Variants in TSC1 observed in about 807,000 individuals in gnomAD.
TSC1 encodes TSC complex subunit 1, also known as hamartin.
Under a neutral mutation model 124.3 loss-of-function variants are expected in TSC1, and 20 were observed. The observed-to-expected ratio is 0.16, with a 90% CI of 0.11 to 0.23. TSC1 has a LOEUF of 0.23. Among genes scored for constraint, TSC1 ranks in the 10% least tolerant of loss-of-function variants. TSC1 has a pLI of 1.00. For synonymous variants in TSC1, 493 were observed against 539.1 expected, an observed-to-expected ratio of 0.91 and a Z score of 1.19; for missense variants, 1,124 against 1,448.5, an observed-to-expected ratio of 0.78 and a Z score of 3.64.
Position 132,924,000 on chromosome 9 carries a change from A to G in TSC1, c.364-508T>C, listed in dbSNP as rs1011909699. 2.6e-5 allele frequency among the ~76,000 whole-genome samples: 4 copies of G among 152,168 alleles called. No homozygotes were observed. The highest frequency in any genetic ancestry group is 9.6e-5 in the African/African-American group (4 of 41,460). On this transcript the variant is annotated intron_variant, in intron 5 of 22. Coordinates refer to ENST00000298552, the MANE Select transcript of TSC1 (RefSeq NM_000368.5). The surrounding 1 kb of genome is among the most constrained non-coding windows in gnomAD (Gnocchi z 4.2). ...GTATAATTGAAGGAGAAATTCATAT[A>G]GCACTAACAAGTCAACTTAAAGGCT... is the stretch of plus-strand genomic sequence containing the variant.
At chr9:132,899,366 A>G (rs1364724996) in intron 20 of TSC1, 2 of 152,302 alleles carry the variant, frequency 1.3e-5, no homozygotes, top group Non-Finnish European at 2.9e-5. Context: ...CAAGGTCTGC[A>G]GGATAAGCAA....
chr9:132,893,835 C>T lies in TSC1; in HGVS notation c.*2400G>A, dbSNP rs1844892527. On this transcript the variant is annotated 3_prime_UTR_variant, in exon 23 of 23. Coordinates refer to ENST00000298552, the MANE Select transcript of TSC1 (RefSeq NM_000368.5). The stretch of plus-strand genomic sequence containing the variant: ...TGCCTCTCGAGAGTAATACTGTCAC[C>T]TTTCCATCCTTAGAACTACCCACTG... 1 of 233,192 alleles carries T rather than the reference C, an allele frequency of 4.3e-6. No individual in the cohort carries two copies. Among genetic ancestry groups the T allele is most frequent in the African/African-American group, 2.2e-5 (1 of 45,346 alleles). The allele number at this position is 233,192 out of a possible 1,614,324, so 14.4% of individuals were successfully genotyped here.
intron 1 of TSC1, among the ~76,000 whole-genome samples, chr9:132,936,188 C>T (rs1000832571): frequency 6.6e-6 from 1 of 152,170 alleles, no homozygotes; most frequent in Non-Finnish European, 1.5e-5. Context: ...CATCATAGCT[C>T]ACTGCAACCT....
chr9:132,921,080 T>C lies in TSC1; in HGVS notation c.737+283A>G, dbSNP rs117521590. On this transcript the variant is annotated intron_variant, in intron 8 of 22. Coordinates refer to ENST00000298552, the MANE Select transcript of TSC1 (RefSeq NM_000368.5). The surrounding 1 kb of genome is among the most constrained non-coding windows in gnomAD (Gnocchi z 4.3). ...CTTGTTTTTAGCCATATGCTTCACC[T>C]CCTGCATCGCCCCATCACTGGCACT... Among the ~76,000 whole-genome samples the C allele has an allele frequency of 0.015, 2,282 of 152,190 alleles. 21 individuals are homozygous for C. The highest frequency in any genetic ancestry group is 0.024 in the Non-Finnish European group (1,623 of 67,998).
intron 1 of TSC1, among the ~76,000 whole-genome samples, chr9:132,942,769 A>T (rs1847807263): frequency 6.6e-6 from 1 of 152,228 alleles, no homozygotes; most frequent in African/African-American, 2.4e-5. Context: ...TGGATAAGAT[A>T]TTAACTTTAG....
Position 132,893,054 on chromosome 9 carries a change from CCTT to C in TSC1, c.*3178_*3180del, listed in dbSNP as rs1338668559. 1 of 233,316 alleles carries C rather than the reference CCTT, an allele frequency of 4.3e-6. No homozygotes were observed. Among genetic ancestry groups the C allele is most frequent in the Non-Finnish European group, 8.5e-6 (1 of 118,076 alleles). The allele number at this position is 233,316 out of a possible 1,614,324, so 14.5% of individuals were successfully genotyped here. On this transcript the variant is annotated 3_prime_UTR_variant, in exon 23 of 23. Transcript: ENST00000298552. ...AATTGTCCTGGGTCGTAACAGTTCA[CCTT>C]CTCAGAACAGTTTGGACTGTTTCCC...
rs770870546 is a variant in TSC1 at position 132,923,547 on chromosome 9, G to A, written c.364-55C>T. On this transcript the variant is annotated intron_variant, in intron 5 of 22. Coordinates refer to ENST00000298552, the MANE Select transcript of TSC1 (RefSeq NM_000368.5). This position sits in a 1 kb window ranked among gnomAD's most constrained non-coding sequence, Gnocchi z 4.2. The stretch of plus-strand genomic sequence containing the variant: ...TCTGTCAGGCACTGGCACCAGGATC[G>A]GCATTGTACAGTACATGAAGAGGCT... 25 of 1,612,234 alleles carry A rather than the reference G, an allele frequency of 1.6e-5. No homozygotes were observed. The East Asian group carries it at 2.0e-4, about 13-fold the overall frequency.
At chr9:132,910,202 G>T (rs994749923) in intron 12 of TSC1, 9 of 470,778 alleles carry the variant, frequency 1.9e-5, no homozygotes, top group Admixed American at 1.5e-4. Context: ...TAGCGAGGCT[G>T]ATGCAGGAGG....
intron 4 of TSC1, chr9:132,926,966 C>G (rs979266127): frequency 4.1e-6 from 2 of 487,952 alleles, no homozygotes; most frequent in African/African-American, 3.9e-5. Context: ...GCCACCACAC[C>G]CGGCCCAAAC....
At position 132,921,862 on chromosome 9, in the gene TSC1, T is replaced by A; in HGVS notation, c.620A>T (p.Tyr207Phe). Residue 207 changes from tyrosine to phenylalanine, a missense_variant, in exon 7 of 23, where the codon TAC becomes TTC. Tyr to Phe is a conservative substitution (Grantham distance 22, BLOSUM62 3). Around this residue, in one of 5 missense-constraint regions of TSC1, gnomAD observed 463 missense variants for 606.8 expected, o/e 0.76. Transcript: ENST00000298552. The surrounding 1 kb of genome is among the most constrained non-coding windows in gnomAD (Gnocchi z 4.3). ...AGTCTCCAGGTTTTCTTTCATACTG[T>A]AATGAGAACGCAAAAAGGAGACGAA... Reference protein sequence around the residue: ...CNFVSFLRSHYSMKENLETFE... With the variant: ...CNFVSFLRSHFSMKENLETFE... 1 of 1,614,180 alleles carries A rather than the reference T, an allele frequency of 6.2e-7. No individual in the cohort carries two copies. Among genetic ancestry groups the A allele is most frequent in the South Asian group, 1.1e-5 (1 of 91,076 alleles).
intron 2 of TSC1, among the ~76,000 whole-genome samples, chr9:132,932,013 C>G (rs920118943): frequency 2.0e-5 from 3 of 152,322 alleles, no homozygotes; most frequent in African/African-American, 7.2e-5. Context: ...CCACAAAAGT[C>G]TCTAGCCATA....
rs1845099115 is a variant in TSC1 at position 132,896,849 on chromosome 9, CTG to C, written c.2976-97_2976-96del. On this transcript the variant is annotated intron_variant, in intron 22 of 22. Transcript: ENST00000298552. The surrounding 1 kb of genome is among the most constrained non-coding windows in gnomAD (Gnocchi z 4.5). ...ACACTGACACTCACTCACACTGACA[CTG>C]AACTCCGCTAGCCCACTCTCTGTTT... 1 of 1,568,114 alleles carries C rather than the reference CTG, an allele frequency of 6.4e-7. No individual in the cohort carries two copies. Among genetic ancestry groups the C allele is most frequent in the African/African-American group, 1.3e-5 (1 of 74,214 alleles).
In TSC1 at chr9:132,893,080, C is replaced by A. The variant is rs1043923770; in HGVS notation, c.*3155G>T. ...CTTCTCAGAACAGTTTGGACTGTTT[C>A]CCCAACCATGTCACATAAGCTTTGG... On this transcript the variant is annotated 3_prime_UTR_variant, in exon 23 of 23. Coordinates refer to ENST00000298552, the MANE Select transcript of TSC1 (RefSeq NM_000368.5). The A allele has an allele frequency of 2.1e-5, 5 of 233,264 alleles. No homozygotes were observed. The East Asian group carries it at 3.0e-4, about 14-fold the overall frequency. The allele number at this position is 233,264 out of a possible 1,614,324, so 14.4% of individuals were successfully genotyped here.
chr9:132,927,521 CTTTTT>C (rs57259325), intron 3 of TSC1, among the ~76,000 whole-genome samples: 1 of 103,936 alleles, frequency 9.6e-6, no homozygotes, highest in Non-Finnish European at 1.8e-5. Context: ...TTTTTATTGC[CTTTTT>C]TTTTTTTTTT....
chr9:132,908,613 C>CT (rs754733739), intron 12 of TSC1, among the ~76,000 whole-genome samples: 477 of 139,990 alleles, frequency 3.4e-3, no homozygotes, highest in African/African-American at 7.3e-3. Context: ...CCACACCTGG[C>CT]TTTTTTTTTT....
At position 132,905,804 on chromosome 9, in the gene TSC1, T is replaced by C. The variant is rs2131824910; in HGVS notation, c.1774A>G (p.Thr592Ala). The change falls in exon 15 of 23, where the codon ACG becomes GCG. Residue 592 changes from threonine (T) to alanine (A), a missense_variant. Transcript: ENST00000298552. The part of the protein sequence containing the change: ...TPSPCKIPPP[T>A]RVGFGSGQPP... ...TGCCCGCTTCCAAAGCCCACTCTCG[T>C]CGGAGGTGGAATTTTACAAGGACTG... The C allele has an allele frequency of 1.2e-6, 2 of 1,614,130 alleles. No homozygotes were observed. Among genetic ancestry groups the C allele is most frequent in the Non-Finnish European group, 1.7e-6 (2 of 1,180,012 alleles).
rs113549339 is a variant in TSC1 at position 132,895,940 on chromosome 9, G to A, written c.*295C>T. On this transcript the variant is annotated 3_prime_UTR_variant, in exon 23 of 23. Transcript: ENST00000298552. Reference sequence around the variant, plus strand: ...CAGGTTCAAAGGACGCAACCATTTGGGGGGGAAAGGAAGAAAGTAAAGCTA... The same window carrying A: ...CAGGTTCAAAGGACGCAACCATTTGAGGGGGAAAGGAAGAAAGTAAAGCTA... The A allele has an allele frequency of 8.7e-6, 4 of 458,978 alleles. No individual in the cohort carries two copies. The highest frequency in any genetic ancestry group is 2.0e-5 in the African/African-American group (1 of 50,186). The allele number at this position is 458,978 out of a possible 1,614,324, so 28.4% of individuals were successfully genotyped here. A position where few individuals can be genotyped will look rare whatever the true frequency, so the allele number is the denominator to read the frequency against.
At chr9:132,944,631 C>A (rs2132540031), upstream of TSC1, 1 of 398,878 alleles carries the variant, frequency 2.5e-6, no homozygotes, top group Non-Finnish European at 4.4e-6. Context: ...CCTCCCCCGT[C>A]GTGAAAGGGC....
chr9:132,897,116 G>C (rs570513452), intron 22 of TSC1, 68 bp downstream of exon 22: 1 of 1,609,470 alleles, frequency 6.2e-7, no homozygotes, highest in African/African-American at 1.3e-5. Context: ...CCCACACCAC[G>C]TGACACAGTC....
Sources: allele counts gnomAD v4.1 joint callset (sites outside exome capture counted in the v4.1 genomes callset), GRCh38; gene constraint gnomAD v4.1.1; regional missense constraint gnomAD v4.1.1; non-coding constraint Gnocchi (gnomAD v3.1); transcripts MANE v1.5; gene names NCBI Gene and HGNC (gene_info 2026-07-23, HGNC 2026-07-21).